ZNF16: variants seen among roughly 807,000 people sequenced by gnomAD.
ZNF16 encodes the protein zinc finger protein KOX9.
In ZNF16, 7 loss-of-function variants were observed where a neutral mutation model predicts 9.0. That is an observed-to-expected ratio of 0.78 (90% CI 0.44 to 1.47). The LOEUF is 1.47. Ranked by LOEUF, ZNF16 falls within the 40% of genes most tolerant of loss-of-function variation. The pLI, the probability that ZNF16 is intolerant of heterozygous loss-of-function variation, is 0.01. For synonymous variants in ZNF16, 312 were observed against 301.5 expected (o/e 1.03, Z -0.36); for missense variants, 830 against 854.2 (o/e 0.97, Z 0.35).
At chr8:144,942,438 C>T (rs1273725916) in intron 2 of ZNF16, among the ~76,000 whole-genome samples, 2 of 151,852 alleles carry the variant, frequency 1.3e-5, no homozygotes, top group Non-Finnish European at 2.9e-5. Context: ...CAGGTGCCCA[C>T]CACCATGCCC....
chr8:144,938,571 G>C (rs1196800859), intron 2 of ZNF16, among the ~76,000 whole-genome samples: 1 of 152,136 alleles, frequency 6.6e-6, no homozygotes, highest in Non-Finnish European at 1.5e-5. Context: ...TTCATGGCTG[G>C]TATACAGAAA....
chr8:144,944,494 T>A (rs1472940934), intron 2 of ZNF16: 2 of 152,220 alleles, frequency 1.3e-5, no homozygotes, highest in African/African-American at 4.8e-5. Flanking sequence ...GGGTTACAGG[T>A]GTGAGCCACC....
At chr8:144,943,311 C>T (rs974058555) in intron 2 of ZNF16, among the ~76,000 whole-genome samples, 1 of 152,078 alleles carries the variant, frequency 6.6e-6, no homozygotes, top group Non-Finnish European at 1.5e-5. Flanking sequence ...AGAAAGAGAC[C>T]TGGTGTGGAT....
chr8:144,936,309 A>G lies in ZNF16; in HGVS notation c.197-3719T>C, dbSNP rs564562718. ...ATGTAGACACCACAATTAATCATTC[A>G]TCCATTGACAGACATCTGGGCTGTT... On this transcript the variant is annotated intron_variant, in intron 2 of 2. Coordinates refer to ENST00000394909, the MANE Select transcript of ZNF16 (RefSeq NM_006958.3). Among the ~76,000 whole-genome samples, 6 of 152,342 alleles carry G rather than the reference A, an allele frequency of 3.9e-5. No individual in the cohort carries two copies. The East Asian group carries it at 9.6e-4, about 24-fold the overall frequency.
In ZNF16 at chr8:144,931,395, A is replaced by G. The variant is rs1432742589; in HGVS notation, c.1392T>C (p.Asn464=). The G allele has an allele frequency of 1.9e-6, 3 of 1,613,952 alleles. No homozygotes were observed. Among genetic ancestry groups the G allele is most frequent in the African/African-American group, 2.7e-5 (2 of 74,864 alleles). Residue 464 remains asparagine (N), a synonymous_variant, in exon 3 of 3, where the codon AAT becomes AAC. Transcript: ENST00000394909. ...IHTGEKPHVC[N]VCGKAFSYSS... is the part of the protein sequence containing the mutation. ...TATAACTAAAGGCTTTTCCACATAC[A>G]TTACACACGTGAGGCTTTTCTCCAG...
At position 144,930,825 on chromosome 8, in the gene ZNF16, C is replaced by T; in HGVS notation, c.1962G>A (p.Val654=). 6.3e-7 allele frequency: 1 copy of T among 1,585,798 alleles called. No homozygotes were observed. The highest frequency in any genetic ancestry group is 8.6e-7 in the Non-Finnish European group (1 of 1,166,602). The part of the protein sequence containing the change: ...LIQHQRIHTG[V]KPYDCAACGK... ...CACAAGCAGCACAGTCATAGGGCTT[C>T]ACCCCAGTGTGAATCCTCTGGTGCT... Residue 654 remains valine (V), a synonymous_variant, in exon 3 of 3, where the codon GTG becomes GTA. Transcript: ENST00000394909.
intron 2 of ZNF16, among the ~76,000 whole-genome samples, chr8:144,940,691 T>C (rs1833779061): frequency 6.6e-6 from 1 of 152,268 alleles, no homozygotes; most frequent in African/African-American, 2.4e-5. Flanking sequence ...TTTTATATAC[T>C]TCTGTCTTAG....
chr8:144,947,518 G>A (rs1432167613), intron 1 of ZNF16, among the ~76,000 whole-genome samples: 3 of 152,142 alleles, frequency 2.0e-5, no homozygotes, highest in Non-Finnish European at 2.9e-5. Context: ...GAACAGCCAG[G>A]GGCAGCCTGT....
chr8:144,939,980 T>TA (rs1328874149), intron 2 of ZNF16, among the ~76,000 whole-genome samples: 1 of 152,220 alleles, frequency 6.6e-6, no homozygotes, highest in Non-Finnish European at 1.5e-5. Context: ...AACACTGTTC[T>TA]AATCCTTCTT....
rs556007706 is a variant in ZNF16, at chr8:144,949,965, G to A, written c.-10+832C>T. Among the ~76,000 whole-genome samples the A allele has an allele frequency of 4.5e-4, 69 of 152,284 alleles. 1 individual carries two copies. Among genetic ancestry groups the A allele is most frequent in the South Asian group, 1.0e-3 (5 of 4,814 alleles). On this transcript the variant is annotated intron_variant, in intron 1 of 2. Coordinates refer to ENST00000394909, the MANE Select transcript of ZNF16 (RefSeq NM_006958.3). The stretch of plus-strand genomic sequence containing the variant: ...GCCACTCTCTCCTGCCTGCCCCTGG[G>A]AACTGAATGTCTCGGTATAAAACCC...
rs1833571035 is a variant in ZNF16, at chr8:144,932,261, T to C, written c.526A>G (p.Thr176Ala). ...PNLMACQEIPTEERPHPYDMG... is the reference protein window; with the variant it reads ...PNLMACQEIPAEERPHPYDMG... ...TCATATGGATGTGGCCTCTCTTCTG[T>C]AGGGATTTCCTGACATGCCATCAGG... The change falls in exon 3 of 3, where the codon ACA becomes GCA. Residue 176 changes from threonine (T) to alanine (A), a missense_variant. Transcript: ENST00000394909. The surrounding 1 kb of genome is among the most constrained non-coding windows in gnomAD (Gnocchi z 5.0). 2 of 1,614,038 alleles carry C rather than the reference T, an allele frequency of 1.2e-6. No homozygotes were observed. Among genetic ancestry groups the C allele is most frequent in the Non-Finnish European group, 1.7e-6 (2 of 1,180,042 alleles).
chr8:144,943,780 A>C (rs1833859482), intron 2 of ZNF16, among the ~76,000 whole-genome samples: 1 of 152,166 alleles, frequency 6.6e-6, no homozygotes, highest in South Asian at 2.1e-4. Context: ...TCGGCCTCCC[A>C]AAGTGCTGGG....
Position 144,932,673 on chromosome 8 carries a change from A to C in ZNF16, c.197-83T>G. ...TAGACAGTCACAGTTGCACCCACTAACTGTGGAGGAGGCAAGGGGAGCAGG... is the reference window on the plus strand; with the variant it reads ...TAGACAGTCACAGTTGCACCCACTACCTGTGGAGGAGGCAAGGGGAGCAGG... On this transcript the variant is annotated intron_variant, in intron 2 of 2. Transcript: ENST00000394909. This position sits in a 1 kb window ranked among gnomAD's most constrained non-coding sequence, Gnocchi z 5.0. 1 of 1,450,598 alleles carries C rather than the reference A, an allele frequency of 6.9e-7. No individual in the cohort carries two copies. The highest frequency in any genetic ancestry group is 9.4e-7 in the Non-Finnish European group (1 of 1,066,524). The allele number at this position is 1,450,598 out of a possible 1,614,324, so 89.9% of individuals were successfully genotyped here.
Position 144,930,678 on chromosome 8 carries a change from T to C in ZNF16, c.*60A>G. The C allele has an allele frequency of 6.6e-7, 1 of 1,504,440 alleles. No homozygotes were observed. The highest frequency in any genetic ancestry group is 2.3e-5 in the East Asian group (1 of 43,820). 93.2% of individuals were successfully genotyped at this position (1,504,440 alleles called of 1,614,324 possible). On this transcript the variant is annotated 3_prime_UTR_variant, in exon 3 of 3. Transcript: ENST00000394909. ...TGGGAAGTGGCAGAGGCTGAGACAATGGCCAAAGAGGAGTTGGAGAGGAAA... is the reference window on the plus strand; with the variant it reads ...TGGGAAGTGGCAGAGGCTGAGACAACGGCCAAAGAGGAGTTGGAGAGGAAA...
intron 1 of ZNF16, among the ~76,000 whole-genome samples, chr8:144,949,879 G>A (rs75961918): frequency 1.3e-5 from 2 of 152,222 alleles, no homozygotes; most frequent in Non-Finnish European, 2.9e-5. Flanking sequence ...CGCCCGTAAA[G>A]GGTCTGTGTT....
chr8:144,939,278 G>A (rs901030423), intron 2 of ZNF16, among the ~76,000 whole-genome samples: 3 of 152,134 alleles, frequency 2.0e-5, no homozygotes, highest in East Asian at 1.9e-4. Flanking sequence ...AAGAGTTTGC[G>A]AAGGTTTGGT....
Position 144,931,534 on chromosome 8 carries a change from G to A in ZNF16, c.1253C>T (p.Ser418Phe), listed in dbSNP as rs781583262. The stretch of plus-strand genomic sequence containing the variant: ...AACCCTGTGGTGCTTAATGAGGTTG[G>A]AGACCCGACTGAAGGGCTTGCCACA... ...NDCGKPFSRV[S>F]NLIKHHRVHT... Residue 418 changes from serine (S) to phenylalanine (F), a missense_variant, in exon 3 of 3, where the codon TCC (serine) becomes TTC (phenylalanine). Coordinates refer to ENST00000394909, the MANE Select transcript of ZNF16 (RefSeq NM_006958.3). 8 of 1,613,942 alleles carry A rather than the reference G, an allele frequency of 5.0e-6. No individual in the cohort carries two copies. In the African/African-American group the frequency reaches 1.1e-4, roughly 22 times the overall value.
At chr8:144,938,947 G>A (rs1423993664) in intron 2 of ZNF16, among the ~76,000 whole-genome samples, 1 of 151,762 alleles carries the variant, frequency 6.6e-6, no homozygotes, top group Non-Finnish European at 1.5e-5. Context: ...TTTTAACTGT[G>A]AAAGTGTTAG....
At position 144,937,221 on chromosome 8, in the gene ZNF16, A is replaced by G. The variant is rs1021612707; in HGVS notation, c.197-4631T>C. Among the ~76,000 whole-genome samples, 14 of 134,572 alleles carry G rather than the reference A, an allele frequency of 1.0e-4. 1 individual carries two copies. In the Admixed American group the frequency reaches 1.3e-3, roughly 12 times the overall value. 88.3% of individuals were successfully genotyped at this position (134,572 alleles called of 152,430 possible). A position where few individuals can be genotyped will look rare whatever the true frequency, so the allele number is the denominator to read the frequency against. On this transcript the variant is annotated intron_variant, in intron 2 of 2. Transcript: ENST00000394909. The stretch of plus-strand genomic sequence containing the variant: ...GAGTACACTGGTGCGATCTTGGCTC[A>G]CTGCAACCTCTGCCTCCTGGGTTCA...
Sources: allele counts gnomAD v4.1 joint callset (sites outside exome capture counted in the v4.1 genomes callset), GRCh38; gene constraint gnomAD v4.1.1; non-coding constraint Gnocchi (gnomAD v3.1); transcripts MANE v1.5; gene names NCBI Gene and HGNC (gene_info 2026-07-23, HGNC 2026-07-21).